The following SOS1 variants were observed in gnomAD, a reference collection of about 807,000 sequenced individuals.
The protein encoded by SOS1 is son of sevenless homolog 1.
In SOS1, 25 loss-of-function variants were observed where a neutral mutation model predicts 157.6. That is an observed-to-expected ratio of 0.16 (90% CI 0.12 to 0.22). SOS1 has a LOEUF of 0.22. Ranked by LOEUF, SOS1 falls within the 10% of genes least tolerant of loss-of-function variation. SOS1 has a pLI of 1.00. For synonymous variants in SOS1, 528 were observed against 534.0 expected, an observed-to-expected ratio of 0.99 and a Z score of 0.16; for missense variants, 1,237 against 1,599.1, an observed-to-expected ratio of 0.77 and a Z score of 3.86.
intron 1 of SOS1, among the ~76,000 whole-genome samples, chr2:39,101,107 T>C (rs1340219043): frequency 6.6e-6 from 1 of 152,238 alleles, no homozygotes; most frequent in Non-Finnish European, 1.5e-5. Flanking sequence ...CATCTGCTTC[T>C]GGTAAGGACC....
At chr2:39,053,868 T>C (rs1477265384) in intron 5 of SOS1, among the ~76,000 whole-genome samples, 1 of 152,194 alleles carries the variant, frequency 6.6e-6, no homozygotes, top group African/African-American at 2.4e-5. Flanking sequence ...TACCATATTT[T>C]ATTGCAATTT....
Position 39,026,227 on chromosome 2 carries a change from C to T in SOS1, c.1075-2090G>A, listed in dbSNP as rs555456045. 1.7e-3 allele frequency among the ~76,000 whole-genome samples: 252 copies of T among 151,838 alleles called. 2 individuals are homozygous for T. Among genetic ancestry groups the T allele is most frequent in the African/African-American group, 5.5e-3 (226 of 41,376 alleles). On this transcript the variant is annotated intron_variant, in intron 8 of 22. Coordinates refer to ENST00000402219, the MANE Select transcript of SOS1 (RefSeq NM_005633.4). ...AAAATTAGCTGGGTGTGGTGGCACA[C>T]GCCTGTAGTCCCAGCTACTCGGGAG...
At chr2:39,055,537 G>C (rs1333173875) in intron 4 of SOS1, among the ~76,000 whole-genome samples, 3 of 152,024 alleles carry the variant, frequency 2.0e-5, no homozygotes, top group Non-Finnish European at 2.9e-5. Context: ...TCGTATTCGT[G>C]TCTTCAGTTA....
At chr2:39,069,190 C>CAAAAAAAAAAAAAAAAA (rs869178369) in intron 1 of SOS1, among the ~76,000 whole-genome samples, 3 of 46,734 alleles carry the variant, frequency 6.4e-5, no homozygotes, top group African/African-American at 1.4e-4. Context: ...TACCAAAAAG[C>CAAAAAAAAAAAAAAAAA]AAAAAAAAAA....
At chr2:38,995,051 G>T (rs1558459558) in intron 20 of SOS1, 72 bp downstream of exon 20, 1 of 1,291,170 alleles carries the variant, frequency 7.7e-7, no homozygotes, top group Non-Finnish European at 1.1e-6. Context: ...AAAAATAACA[G>T]AGATTCTTTT....
In SOS1 at chr2:38,984,324, TAGACTC is replaced by T. The variant is rs780980963; in HGVS notation, c.*1494_*1499del. ...CATGCATTTCAGTCACAGTATTTGT[TAGACTC>T]AGAAGAACAGTACATACGCTTTATG... On this transcript the variant is annotated 3_prime_UTR_variant, in exon 23 of 23. Coordinates refer to ENST00000402219, the MANE Select transcript of SOS1 (RefSeq NM_005633.4). The T allele has an allele frequency of 3.9e-5, 6 of 152,140 alleles. No homozygotes were observed. Among genetic ancestry groups the T allele is most frequent in the Admixed American group, 1.3e-4 (2 of 15,208 alleles). 9.4% of individuals were successfully genotyped at this position (152,140 alleles called of 1,614,324 possible).
At chr2:39,009,123 A>G (rs1033282519) in intron 15 of SOS1, among the ~76,000 whole-genome samples, 1 of 152,162 alleles carries the variant, frequency 6.6e-6, no homozygotes, top group Non-Finnish European at 1.5e-5. Flanking sequence ...ATTGATGACA[A>G]TGTGCATCGA....
chr2:39,026,503 C>A (rs1669969579), intron 8 of SOS1, among the ~76,000 whole-genome samples: 1 of 151,992 alleles, frequency 6.6e-6, no homozygotes, highest in Non-Finnish European at 1.5e-5. Context: ...TAATATTGTT[C>A]TTCAATATGG....
rs138441052 is a variant in SOS1 at position 39,007,353 on chromosome 2, A to G, written c.2511-160T>C. On this transcript the variant is annotated intron_variant, in intron 15 of 22. Transcript: ENST00000402219. ...TCAGGGTGACTGATAGAAGGAAGGCAGTGCCTCCAGTCAGGCATACTGCTC... is the reference window on the plus strand; with the variant it reads ...TCAGGGTGACTGATAGAAGGAAGGCGGTGCCTCCAGTCAGGCATACTGCTC... 11 of 615,986 alleles carry G rather than the reference A, an allele frequency of 1.8e-5. No individual in the cohort carries two copies. In the African/African-American group the frequency reaches 1.8e-4, roughly 10 times the overall value. The allele number at this position is 615,986 out of a possible 1,614,324, so 38.2% of individuals were successfully genotyped here.
intron 15 of SOS1, among the ~76,000 whole-genome samples, chr2:39,008,608 C>T (rs1036641503): frequency 6.6e-6 from 1 of 152,148 alleles, no homozygotes; most frequent in African/African-American, 2.4e-5. Context: ...GAGGAGCCCT[C>T]CTGGGGTCAG....
chr2:38,987,578 T>C lies in SOS1; in HGVS notation c.3405A>G (p.Val1135=). Residue 1135 remains valine, a synonymous_variant, in exon 22 of 23, where the codon GTA becomes GTG. Transcript: ENST00000402219. The part of the protein sequence containing the change: ...TLPHGPRSAS[V]SSISLTKGTD... ...TGCCTTTGGTTAAACTTATAGATGA[T>C]ACAGAAGCAGATCCTGTGGGATGTT... 2.0e-6 allele frequency: 3 copies of C among 1,535,838 alleles called. No homozygotes were observed. Among genetic ancestry groups the C allele is most frequent in the Non-Finnish European group, 2.7e-6 (3 of 1,110,662 alleles).
chr2:39,113,878 T>C (rs1005008154), intron 1 of SOS1, among the ~76,000 whole-genome samples: 1 of 152,210 alleles, frequency 6.6e-6, no homozygotes. Flanking sequence ...CTCTTTTCCC[T>C]TCCTTTCCAA....
intron 15 of SOS1, 163 bp from the exon 16 acceptor site, chr2:39,007,356 G>A (rs1669313672): frequency 1.6e-6 from 1 of 614,224 alleles, no homozygotes; most frequent in South Asian, 2.0e-5. Flanking sequence ...GGAAGGCAGT[G>A]CCTCCAGTCA....
intron 6 of SOS1, among the ~76,000 whole-genome samples, chr2:39,046,279 T>C (rs1670781065): frequency 6.6e-6 from 1 of 152,060 alleles, no homozygotes. Context: ...TTTTTAAAAA[T>C]AAATACGGTT....
chr2:39,047,353 A>C (rs578259455), intron 6 of SOS1, among the ~76,000 whole-genome samples: 1 of 152,104 alleles, frequency 6.6e-6, no homozygotes, highest in Non-Finnish European at 1.5e-5. Flanking sequence ...CAACATAAGC[A>C]CTCATTTTTG....
chr2:39,084,732 C>T (rs1039956961), intron 1 of SOS1, among the ~76,000 whole-genome samples: 9 of 152,156 alleles, frequency 5.9e-5, no homozygotes, highest in Admixed American at 4.6e-4. Flanking sequence ...CTATACACAT[C>T]AAATTCCAAA....
intron 1 of SOS1, among the ~76,000 whole-genome samples, chr2:39,068,014 G>A (rs760167963): frequency 6.6e-6 from 1 of 152,110 alleles, no homozygotes; most frequent in Non-Finnish European, 1.5e-5. Context: ...AGCTACCCAG[G>A]AGGCCGAGGC....
At chr2:39,079,641 C>G (rs760233667) in intron 1 of SOS1, among the ~76,000 whole-genome samples, 1 of 151,686 alleles carries the variant, frequency 6.6e-6, no homozygotes, top group Non-Finnish European at 1.5e-5. Flanking sequence ...ATTACAGGCA[C>G]GTGCCACCAT....
At chr2:39,014,141 C>T (rs1158355888) in intron 11 of SOS1, 152 bp from the exon 12 acceptor site, 2 of 588,708 alleles carry the variant, frequency 3.4e-6, no homozygotes, top group South Asian at 2.2e-5. Context: ...AGTGAGACTC[C>T]TATAGTATTA....
Sources: gnomAD v4.1 joint callset for allele counts (sites outside exome capture counted in the v4.1 genomes callset) on GRCh38, gnomAD v4.1.1 for gene constraint, MANE v1.5 for transcripts, NCBI Gene and HGNC (gene_info 2026-07-23, HGNC 2026-07-21) for gene names.